The following RORA variants were observed in gnomAD, a reference collection of about 807,000 sequenced individuals.
RORA encodes RAR related orphan receptor A, also known as nuclear receptor ROR-alpha.
RORA carries 7 observed loss-of-function variants against 69.5 expected under a neutral mutation model. The ratio of observed to expected loss-of-function variants is 0.10; its 90% CI spans 0.06 to 0.19. RORA has a LOEUF of 0.19. RORA is among the 10% of genes least tolerant of loss of function. The pLI is 1.00. For missense variants in RORA, 457 were observed against 663.0 expected, an observed-to-expected ratio of 0.69 and a Z score of 3.41; for synonymous variants, 261 against 240.8, an observed-to-expected ratio of 1.08 and a Z score of -0.78.
chr15:60,497,678 A>G, intron 10 of RORA, 59 bp from the exon 11 acceptor site: 1 of 1,367,388 alleles, frequency 7.3e-7, no homozygotes, highest in Non-Finnish European at 1.0e-6. Flanking sequence ...ATCAAAGATC[A>G]GGGAACCTGA....
At chr15:61,043,198 T>A (rs1896866076) in intron 1 of RORA, among the ~76,000 whole-genome samples, 1 of 152,196 alleles carries the variant, frequency 6.6e-6, no homozygotes, top group Non-Finnish European at 1.5e-5. Flanking sequence ...AGGGCAAACA[T>A]TCTGCCCCAC....
intron 2 of RORA, among the ~76,000 whole-genome samples, chr15:60,663,604 C>T (rs1050251941): frequency 1.3e-5 from 2 of 152,140 alleles, no homozygotes; most frequent in African/African-American, 2.4e-5. Context: ...CACAGGCATA[C>T]GCCACCATAC....
At position 60,495,272 on chromosome 15, in the gene RORA, G is replaced by T. The variant is rs2065139140; in HGVS notation, c.*2183C>A. Reference sequence around the variant, plus strand: ...AGGAACTATGCTTACTTAAATTAAAGATTTGATTTAACCCTTCTTGCCCCA... The same window carrying T: ...AGGAACTATGCTTACTTAAATTAAATATTTGATTTAACCCTTCTTGCCCCA... On this transcript the variant is annotated 3_prime_UTR_variant, in exon 11 of 11. Coordinates refer to ENST00000335670, the MANE Select transcript of RORA (RefSeq NM_134261.3). 6.6e-6 allele frequency: 1 copy of T among 152,100 alleles called. No homozygotes were observed. Among genetic ancestry groups the T allele is most frequent in the Admixed American group, 6.6e-5 (1 of 15,266 alleles). The allele number at this position is 152,100 out of a possible 1,614,324, so 9.4% of individuals were successfully genotyped here.
intron 1 of RORA, among the ~76,000 whole-genome samples, chr15:61,203,631 A>G (rs2079914153): frequency 6.6e-6 from 1 of 152,222 alleles, no homozygotes; most frequent in Non-Finnish European, 1.5e-5. Flanking sequence ...TCAGAAAAAA[A>G]GATTAAGAAA....
chr15:60,712,433 C>T (rs1394499608), intron 1 of RORA, among the ~76,000 whole-genome samples: 2 of 152,130 alleles, frequency 1.3e-5, no homozygotes, highest in East Asian at 3.8e-4. Context: ...CAACATAACC[C>T]ACAGCACTCT....
In RORA at chr15:61,042,795, G is replaced by A. The variant is rs1896845330; in HGVS notation, c.166+186258C>T. 2.6e-5 allele frequency among the ~76,000 whole-genome samples: 4 copies of A among 152,124 alleles called. No individual in the cohort carries two copies. The South Asian group carries it at 8.3e-4, about 32-fold the overall frequency. On this transcript the variant is annotated intron_variant, in intron 1 of 10. Coordinates refer to ENST00000335670, the MANE Select transcript of RORA (RefSeq NM_134261.3). ...TACTTTATTTACCTCATTTTTGCCTGCCTGGAGAAATTCAAACTTGCAGTT... is the reference window on the plus strand; with the variant it reads ...TACTTTATTTACCTCATTTTTGCCTACCTGGAGAAATTCAAACTTGCAGTT...
chr15:61,171,268 C>G, intron 1 of RORA, among the ~76,000 whole-genome samples: 1 of 152,070 alleles, frequency 6.6e-6, no homozygotes, highest in East Asian at 1.9e-4. Flanking sequence ...GGTGGGTGGG[C>G]TATGCCATCC....
chr15:61,198,572 G>A (rs560523791), intron 1 of RORA, among the ~76,000 whole-genome samples: 39 of 151,338 alleles, frequency 2.6e-4, no homozygotes, highest in Non-Finnish European at 3.8e-4. Flanking sequence ...TTCATGTCCT[G>A]GAAAGAAGTA....
At chr15:60,986,466 G>A (rs2140365434) in intron 1 of RORA, among the ~76,000 whole-genome samples, 1 of 152,238 alleles carries the variant, frequency 6.6e-6, no homozygotes, top group Non-Finnish European at 1.5e-5. Context: ...ACAATTTGAG[G>A]CCACCTCTTC....
chr15:60,668,880 G>T (rs1267286146), intron 2 of RORA, among the ~76,000 whole-genome samples: 1 of 152,174 alleles, frequency 6.6e-6, no homozygotes, highest in Non-Finnish European at 1.5e-5. Flanking sequence ...ATGAGAAAAG[G>T]ATGCTTAGTT....
intron 1 of RORA, among the ~76,000 whole-genome samples, chr15:61,105,126 C>G (rs1055981484): frequency 1.3e-5 from 2 of 152,056 alleles, no homozygotes; most frequent in African/African-American, 4.8e-5. Context: ...AACCCTTACT[C>G]ATCTCTTGGG....
At position 61,131,113 on chromosome 15, in the gene RORA, G is replaced by GT. The variant is rs1449393635; in HGVS notation, c.166+97939dup. Among the ~76,000 whole-genome samples the GT allele has an allele frequency of 3.9e-5, 6 of 152,216 alleles. No homozygotes were observed. Among genetic ancestry groups the GT allele is most frequent in the Admixed American group, 1.3e-4 (2 of 15,290 alleles). ...GAGGCAAAACCCAAGTCACTCAAGA[G>GT]TGGGAAGGATTAGCGTGCTATGGTT... is the stretch of plus-strand genomic sequence containing the variant. On this transcript the variant is annotated intron_variant, in intron 1 of 10. Coordinates refer to ENST00000335670, the MANE Select transcript of RORA (RefSeq NM_134261.3). This position sits in a 1 kb window ranked among gnomAD's most constrained non-coding sequence, Gnocchi z 4.2.
intron 1 of RORA, among the ~76,000 whole-genome samples, chr15:61,154,470 T>C (rs1307667991): frequency 6.6e-6 from 1 of 152,058 alleles, no homozygotes; most frequent in African/African-American, 2.4e-5. Context: ...CAACTGAGCT[T>C]CCGGGCAAGA....
chr15:60,897,366 T>G lies in RORA; in HGVS notation c.167-218680A>C, dbSNP rs1158920157. On this transcript the variant is annotated intron_variant, in intron 1 of 10. Coordinates refer to ENST00000335670, the MANE Select transcript of RORA (RefSeq NM_134261.3). ...GTGGGGTTAATGAGTAATCAGGAGGTATCACATTAATCTCCATTTCACTCC... is the reference window on the plus strand; with the variant it reads ...GTGGGGTTAATGAGTAATCAGGAGGGATCACATTAATCTCCATTTCACTCC... Among the ~76,000 whole-genome samples, 10 of 152,232 alleles carry G rather than the reference T, an allele frequency of 6.6e-5. No individual in the cohort carries two copies. The East Asian group carries it at 1.9e-3, about 29-fold the overall frequency.
chr15:60,612,661 G>GTTTTTTTTTTTTTTTTTTTTTTTT (rs71122864), intron 2 of RORA, among the ~76,000 whole-genome samples: 5 of 107,166 alleles, frequency 4.7e-5, no homozygotes, highest in Non-Finnish European at 7.7e-5. Context: ...CTCTCTCTCT[G>GTTTTTTTTTTTTTTTTTTTTTTTT]TTTTTTTTTT....
chr15:60,789,232 C>T (rs954357206), intron 1 of RORA, among the ~76,000 whole-genome samples: 2 of 152,224 alleles, frequency 1.3e-5, no homozygotes, highest in East Asian at 3.8e-4. Context: ...TCCCAAGGAA[C>T]ACAGCCCCAC....
chr15:60,576,233 C>G (rs2068022446), intron 2 of RORA, among the ~76,000 whole-genome samples: 2 of 152,188 alleles, frequency 1.3e-5, no homozygotes. Context: ...GCTAATAAAA[C>G]TATGCTGGGA....
intron 2 of RORA, among the ~76,000 whole-genome samples, chr15:60,551,718 A>G (rs1446099348): frequency 6.6e-6 from 1 of 152,192 alleles, no homozygotes; most frequent in Admixed American, 6.5e-5. Context: ...AAATCATTCA[A>G]TGCCAGGTCC....
intron 2 of RORA, among the ~76,000 whole-genome samples, chr15:60,540,565 C>CA: frequency 8.2e-5 from 2 of 24,342 alleles, no homozygotes; most frequent in African/African-American, 2.6e-4. Context: ...ATTTCCATGA[C>CA]CCCCCCCCCC....
Sources: gnomAD v4.1 joint callset for allele counts (sites outside exome capture counted in the v4.1 genomes callset) on GRCh38, gnomAD v4.1.1 for gene constraint, Gnocchi (gnomAD v3.1) non-coding constraint, MANE v1.5 for transcripts, NCBI Gene and HGNC (gene_info 2026-07-23, HGNC 2026-07-21) for gene names.